Variants in ADGB observed in about 807,000 individuals in gnomAD.
The protein encoded by ADGB is androglobin.
A neutral mutation model predicts 210.5 loss-of-function variants in ADGB; 172 were observed. The observed-to-expected ratio is 0.82, with a 90% CI of 0.72 to 0.93. ADGB has a LOEUF of 0.93. Ranked by LOEUF, ADGB falls within the 40% of genes least tolerant of loss-of-function variation. The pLI, the probability that ADGB is intolerant of heterozygous loss-of-function variation, is 0.00. For synonymous variants in ADGB, 658 were observed against 662.7 expected, an observed-to-expected ratio of 0.99 and a Z score of 0.11; for missense variants, 2,025 against 1,964.8, an observed-to-expected ratio of 1.03 and a Z score of -0.58.
intron 23 of ADGB, among the ~76,000 whole-genome samples, chr6:146,739,944 T>C (rs2114596776): frequency 6.6e-6 from 1 of 152,322 alleles, no homozygotes; most frequent in South Asian, 2.1e-4. Flanking sequence ...TCTACTCCCT[T>C]ATACACTCAG....
intron 35 of ADGB, among the ~76,000 whole-genome samples, chr6:146,806,111 GA>G (rs1333900045): frequency 3.9e-5 from 6 of 152,276 alleles, no homozygotes; most frequent in African/African-American, 1.4e-4. Flanking sequence ...GATTAGATTA[GA>G]AAACAAAAGG....
At chr6:146,739,845 A>C (rs541309130) in intron 23 of ADGB, among the ~76,000 whole-genome samples, 2 of 151,844 alleles carry the variant, frequency 1.3e-5, no homozygotes, top group South Asian at 4.2e-4. Context: ...TCACATCATC[A>C]CTCCCATTAT....
intron 2 of ADGB, among the ~76,000 whole-genome samples, chr6:146,641,835 A>G (rs751769060): frequency 1.3e-5 from 2 of 152,134 alleles, no homozygotes; most frequent in African/African-American, 2.4e-5. Context: ...CATCCTGGAC[A>G]TAGAAATGGG....
intron 33 of ADGB, among the ~76,000 whole-genome samples, chr6:146,795,346 A>G (rs1484067511): frequency 6.6e-6 from 1 of 152,226 alleles, no homozygotes; most frequent in Non-Finnish European, 1.5e-5. Flanking sequence ...CAGTAAAGGA[A>G]CTATCAACAG....
At chr6:146,612,764 A>G (rs1780732150) in intron 1 of ADGB, among the ~76,000 whole-genome samples, 1 of 152,166 alleles carries the variant, frequency 6.6e-6, no homozygotes, top group Non-Finnish European at 1.5e-5. Context: ...AAGAAGGGAG[A>G]CAGGGAGAGA....
chr6:146,637,346 C>T (rs1020693600), intron 2 of ADGB, among the ~76,000 whole-genome samples: 7 of 151,870 alleles, frequency 4.6e-5, no homozygotes, highest in Non-Finnish European at 8.8e-5. Context: ...GAACCAAAAC[C>T]CCAGGGCTAA....
chr6:146,733,021 GTTTTTAT>G (rs940624724), intron 20 of ADGB, 92 bp from the exon 21 acceptor site: 102 of 999,486 alleles, frequency 1.0e-4, no homozygotes, highest in Non-Finnish European at 1.3e-4. Context: ...CTGAGAAATG[GTTTTTAT>G]TTTTTATTTT....
At chr6:146,729,613 C>T (rs567937523) in intron 20 of ADGB, among the ~76,000 whole-genome samples, 21 of 152,078 alleles carry the variant, frequency 1.4e-4, no homozygotes, top group African/African-American at 5.1e-4. Context: ...TAAAAATAAA[C>T]AAACAAAAAT....
intron 13 of ADGB, among the ~76,000 whole-genome samples, chr6:146,701,946 A>T (rs1776498212): frequency 6.6e-6 from 1 of 152,010 alleles, no homozygotes; most frequent in Admixed American, 6.6e-5. Flanking sequence ...ATTTGCAACA[A>T]CTATAATATA....
intron 23 of ADGB, among the ~76,000 whole-genome samples, chr6:146,739,460 C>G (rs547554022): frequency 7.6e-4 from 116 of 152,228 alleles, no homozygotes; most frequent in African/African-American, 2.8e-3. Context: ...TAGATGGTTA[C>G]CCTATTATTT....
intron 28 of ADGB, among the ~76,000 whole-genome samples, chr6:146,768,437 T>G (rs919231418): frequency 6.6e-6 from 1 of 152,130 alleles, no homozygotes. Flanking sequence ...CATATTTTTA[T>G]GAAAATTTCA....
At chr6:146,615,031 G>A (rs1780775616) in intron 1 of ADGB, among the ~76,000 whole-genome samples, 1 of 151,876 alleles carries the variant, frequency 6.6e-6, no homozygotes, top group East Asian at 1.9e-4. Flanking sequence ...CTCCCGAGTA[G>A]CTGGGACTAC....
chr6:146,730,557 T>C (rs1776966640), intron 20 of ADGB, among the ~76,000 whole-genome samples: 1 of 152,170 alleles, frequency 6.6e-6, no homozygotes, highest in African/African-American at 2.4e-5. Flanking sequence ...AAAATACAAT[T>C]GTAACACCTT....
At chr6:146,671,656 A>G (rs1373624574) in intron 7 of ADGB, among the ~76,000 whole-genome samples, 2 of 152,190 alleles carry the variant, frequency 1.3e-5, no homozygotes, top group African/African-American at 4.8e-5. Context: ...TAAAATGGCA[A>G]GAACACCAAG....
rs1222227442 is a variant in ADGB at position 146,640,275 on chromosome 6, AC to A, written c.238-4496del. Among the ~76,000 whole-genome samples the A allele has an allele frequency of 1.1e-4, 17 of 152,060 alleles. No homozygotes were observed. In the East Asian group the frequency reaches 2.3e-3, roughly 21 times the overall value. On this transcript the variant is annotated intron_variant, in intron 2 of 35. Coordinates refer to ENST00000397944, the MANE Select transcript of ADGB (RefSeq NM_024694.4). ...AAATGGAATCAGTAATAAAGGGCCT[AC>A]CAACCAAACAAAAGCTCGGGACCTG...
intron 33 of ADGB, among the ~76,000 whole-genome samples, chr6:146,794,484 ATTG>A (rs1778008903): frequency 1.3e-5 from 2 of 152,128 alleles, no homozygotes; most frequent in South Asian, 2.1e-4. Context: ...TTTGGATATT[ATTG>A]TTTTTTATAT....
At chr6:146,812,026 G>A (rs1778310843) in intron 35 of ADGB, among the ~76,000 whole-genome samples, 1 of 151,986 alleles carries the variant, frequency 6.6e-6, no homozygotes, top group South Asian at 2.1e-4. Flanking sequence ...TCTGATTTTT[G>A]CTATTTTTCC....
chr6:146,804,708 A>C (rs914662554), intron 35 of ADGB, among the ~76,000 whole-genome samples: 2 of 152,130 alleles, frequency 1.3e-5, no homozygotes, highest in South Asian at 4.1e-4. Context: ...TACTGATCTA[A>C]CTGCTTCCAT....
At chr6:146,679,949 A>G (rs919787253) in intron 9 of ADGB, among the ~76,000 whole-genome samples, 1 of 152,204 alleles carries the variant, frequency 6.6e-6, no homozygotes, top group Non-Finnish European at 1.5e-5. Context: ...GAATTTGTGT[A>G]GTACTCTAGT....
Sources: gnomAD v4.1 joint callset for allele counts (sites outside exome capture counted in the v4.1 genomes callset) on GRCh38, gnomAD v4.1.1 for gene constraint, MANE v1.5 for transcripts, NCBI Gene and HGNC (gene_info 2026-07-23, HGNC 2026-07-21) for gene names.